SUCO: variants seen among roughly 807,000 people sequenced by gnomAD.
SUCO encodes SUN domain-containing ossification factor.
A neutral mutation model predicts 148.1 loss-of-function variants in SUCO; 57 were observed. That is an observed-to-expected ratio of 0.38 (90% CI 0.31 to 0.48). SUCO has a LOEUF of 0.48. Among genes scored for constraint, SUCO ranks in the 20% least tolerant of loss-of-function variants. SUCO has a pLI of 0.96. For missense variants in SUCO, 1,331 were observed against 1,468.2 expected (o/e 0.91, Z 1.53); for synonymous variants, 470 against 502.7 (o/e 0.93, Z 0.87).
intron 18 of SUCO, chr1:172,590,448 A>G: frequency 1.4e-6 from 1 of 735,480 alleles, no homozygotes; most frequent in Non-Finnish European, 1.7e-6. Context: ...TGCCAGAGAC[A>G]GTGCCAATTC....
chr1:172,603,066 A>T (rs1319358753), intron 22 of SUCO: 2 of 293,326 alleles, frequency 6.8e-6, no homozygotes. Context: ...TTAGAAAGGG[A>T]TGTTTGAGAA....
intron 19 of SUCO, among the ~76,000 whole-genome samples, chr1:172,593,607 G>A (rs1015900923): frequency 6.6e-6 from 1 of 152,196 alleles, no homozygotes; most frequent in Non-Finnish European, 1.5e-5. Context: ...AACCAGCCGT[G>A]CATCCCAGGG....
chr1:172,570,253 ATATTT>A, intron 8 of SUCO, 82 bp downstream of exon 8: 1 of 773,846 alleles, frequency 1.3e-6, no homozygotes, highest in Non-Finnish European at 2.0e-6. Context: ...ACTGGGAACT[ATATTT>A]TAATGTGAGA....
intron 1 of SUCO, among the ~76,000 whole-genome samples, chr1:172,539,317 T>C (rs999873605): frequency 2.0e-5 from 3 of 152,218 alleles, no homozygotes; most frequent in South Asian, 2.1e-4. Context: ...TTGAAACTTA[T>C]CTACATGTTT....
intron 1 of SUCO, chr1:172,542,806 G>C (rs1248352160): frequency 1.0e-6 from 1 of 985,318 alleles, no homozygotes; most frequent in African/African-American, 1.7e-5. Flanking sequence ...AGCTCTGAAA[G>C]AAAGGAGGAA....
intron 23 of SUCO, chr1:172,609,177 C>G (rs949525063): frequency 1.2e-6 from 1 of 840,352 alleles, no homozygotes; most frequent in African/African-American, 1.8e-5. Context: ...ATGCACCGTT[C>G]CTCTAATCCT....
Position 172,609,871 on chromosome 1 carries a change from C to G in SUCO, c.3377C>G (p.Pro1126Arg), listed in dbSNP as rs767920654. 4 of 1,613,272 alleles carry G rather than the reference C, an allele frequency of 2.5e-6. No homozygotes were observed. Among genetic ancestry groups the G allele is most frequent in the Non-Finnish European group, 3.4e-6 (4 of 1,179,684 alleles). The change falls in exon 24 of 24, where the codon CCA becomes CGA. Residue 1126 changes from proline to arginine, a missense_variant. Around this residue, in one of 3 missense-constraint regions of SUCO, gnomAD observed 334 missense variants for 352.3 expected, o/e 0.95. Transcript: ENST00000263688. The stretch of plus-strand genomic sequence containing the variant: ...ATTGAGACCATAAAGCCTGAAGAAC[C>G]ATTGCACCCCATAGCCAATGGCGAC... Reference protein sequence around the residue: ...EKIETIKPEEPLHPIANGDIK... With the variant: ...EKIETIKPEERLHPIANGDIK...
At chr1:172,561,894 C>T (rs911498936) in intron 6 of SUCO, among the ~76,000 whole-genome samples, 1 of 152,190 alleles carries the variant, frequency 6.6e-6, no homozygotes, top group Non-Finnish European at 1.5e-5. Context: ...CCAGCACCTT[C>T]TGACAACAAG....
At chr1:172,592,302 C>T (rs1341722435) in intron 19 of SUCO, among the ~76,000 whole-genome samples, 2 of 152,142 alleles carry the variant, frequency 1.3e-5, no homozygotes, top group African/African-American at 4.8e-5. Flanking sequence ...TTGTCAATTT[C>T]AGCTTTTGTT....
intron 6 of SUCO, among the ~76,000 whole-genome samples, chr1:172,564,985 G>T (rs1027751988): frequency 2.6e-5 from 4 of 152,072 alleles, no homozygotes; most frequent in Non-Finnish European, 4.4e-5. Flanking sequence ...CCAGACATTA[G>T]AATTTTATAG....
rs927544710 is a variant in SUCO at position 172,585,944 on chromosome 1, C to T, written c.1654C>T (p.Pro552Ser). The T allele has an allele frequency of 1.3e-6, 2 of 1,597,574 alleles. No individual in the cohort carries two copies. ...TCCTGTTTCAACTCCTGTTCCATCT[C>T]CTGAGTAAGTTATAATGTGATATTA... Reference protein sequence around the residue: ...STPVSTPVPSPEYVTTEVHTH... With the variant: ...STPVSTPVPSSEYVTTEVHTH... Residue 552 changes from proline to serine, a missense_variant, in exon 17 of 24, where the codon CCT (proline) becomes TCT (serine). Physicochemically the swap from Pro to Ser is moderately conservative, Grantham distance 74 (BLOSUM62 -1). Coordinates refer to ENST00000263688, the MANE Select transcript of SUCO (RefSeq NM_014283.5).
At chr1:172,565,577 C>A (rs1159160942) in intron 6 of SUCO, among the ~76,000 whole-genome samples, 1 of 152,138 alleles carries the variant, frequency 6.6e-6, no homozygotes, top group Non-Finnish European at 1.5e-5. Flanking sequence ...ATGCCAAAAA[C>A]CCTAGTGCAC....
At chr1:172,548,598 C>T (rs1653042903) in intron 1 of SUCO, among the ~76,000 whole-genome samples, 1 of 151,990 alleles carries the variant, frequency 6.6e-6, no homozygotes, top group East Asian at 1.9e-4. Context: ...CTGATTATTT[C>T]ATAATATTGT....
intron 1 of SUCO, among the ~76,000 whole-genome samples, chr1:172,538,942 G>A (rs1336335264): frequency 6.6e-6 from 1 of 152,074 alleles, no homozygotes; most frequent in African/African-American, 2.4e-5. Flanking sequence ...AATAAAAGAC[G>A]GCAAATGACG....
Position 172,575,507 on chromosome 1 carries a change from A to G in SUCO, c.1158-11A>G. On this transcript the variant is annotated splice_polypyrimidine_tract_variant and intron_variant, in intron 10 of 23. Transcript: ENST00000263688. The stretch of plus-strand genomic sequence containing the variant: ...ATTTTTAAAAAAGAACATATTGCTT[A>G]TATTTTTTAGATATCCAACAAATAA... The G allele has an allele frequency of 6.4e-7, 1 of 1,561,174 alleles. No homozygotes were observed. The highest frequency in any genetic ancestry group is 2.2e-5 in the East Asian group (1 of 44,446).
chr1:172,581,124 A>G (rs534291136), intron 15 of SUCO, among the ~76,000 whole-genome samples: 8 of 152,122 alleles, frequency 5.3e-5, no homozygotes, highest in African/African-American at 1.9e-4. Flanking sequence ...ACAAAACAAA[A>G]CAAAAACCTA....
Position 172,555,992 on chromosome 1 carries a change from A to G in SUCO, c.412A>G (p.Thr138Ala). Residue 138 changes from threonine to alanine, a missense_variant, in exon 4 of 24, where the codon ACC (threonine) becomes GCC (alanine). By Grantham distance (58) the Thr-to-Ala change is moderately conservative. Transcript: ENST00000263688. The part of the protein sequence containing the change: ...ETVENISSSS[T>A]SEITPISKLD... ...TGTTGAAAATATTTCCAGCTCATCT[A>G]CCTCAGAAATCACTCCAATCTCAAA... The G allele has an allele frequency of 6.2e-7, 1 of 1,613,276 alleles. No individual in the cohort carries two copies.
At chr1:172,599,070 T>G (rs2149268316) in intron 19 of SUCO, among the ~76,000 whole-genome samples, 1 of 152,358 alleles carries the variant, frequency 6.6e-6, no homozygotes, top group East Asian at 1.9e-4. Flanking sequence ...TTAGATTTCC[T>G]TGACTTCTTC....
At chr1:172,546,596 A>G (rs1334285802) in intron 1 of SUCO, among the ~76,000 whole-genome samples, 1 of 152,190 alleles carries the variant, frequency 6.6e-6, no homozygotes, top group Non-Finnish European at 1.5e-5. Flanking sequence ...TATTAATTAC[A>G]GGATCTTGAA....
Sources: gnomAD v4.1 joint callset for allele counts (sites outside exome capture counted in the v4.1 genomes callset) on GRCh38, gnomAD v4.1.1 for gene constraint, gnomAD v4.1.1 regional missense constraint, MANE v1.5 for transcripts, NCBI Gene and HGNC (gene_info 2026-07-23, HGNC 2026-07-21) for gene names.